Variants in RNF130 observed in about 807,000 individuals in gnomAD.
RNF130 encodes ring finger protein 130, also known as E3 ubiquitin-protein ligase RNF130.
In RNF130, 21 loss-of-function variants were observed where a neutral mutation model predicts 44.6. That is an observed-to-expected ratio of 0.47 (90% CI 0.33 to 0.68). The LOEUF is 0.68. RNF130 is among the 30% of genes least tolerant of loss of function. The pLI, the probability that RNF130 is intolerant of heterozygous loss-of-function variation, is 0.02. For synonymous variants in RNF130, 214 were observed against 210.4 expected, an observed-to-expected ratio of 1.02 and a Z score of -0.15; for missense variants, 479 against 560.6, an observed-to-expected ratio of 0.85 and a Z score of 1.47.
At chr5:180,019,813 G>T (rs1364828139) in intron 2 of RNF130, among the ~76,000 whole-genome samples, 1 of 152,178 alleles carries the variant, frequency 6.6e-6, no homozygotes, top group East Asian at 1.9e-4. Flanking sequence ...TATCCCTTCT[G>T]TCAGAAAAAT....
exon 8 of RNF130, chr5:179,919,089 T>G (rs972458569): frequency 2.0e-5 from 3 of 152,270 alleles, no homozygotes; most frequent in Admixed American, 2.0e-4. Flanking sequence ...ACAAAGCTCA[T>G]GCCAATGAGA....
chr5:180,044,767 G>A (rs961320897), intron 1 of RNF130, among the ~76,000 whole-genome samples: 13 of 152,058 alleles, frequency 8.5e-5, no homozygotes, highest in Non-Finnish European at 1.0e-4. Flanking sequence ...AGGAGGCGGA[G>A]GTTACAGTGA....
At chr5:180,049,889 A>C (rs1415015720) in intron 1 of RNF130, among the ~76,000 whole-genome samples, 2 of 152,052 alleles carry the variant, frequency 1.3e-5, no homozygotes, top group Non-Finnish European at 2.9e-5. Flanking sequence ...CTATATATTC[A>C]AGTTCTATTT....
At chr5:179,946,554 A>AT (rs397701505) in intron 7 of RNF130, among the ~76,000 whole-genome samples, 6,294 of 140,660 alleles carry the variant, frequency 0.045, 332 homozygotes, top group African/African-American at 0.12. Context: ...CCCACCGGGG[A>AT]TTTTTTTTTT....
intron 3 of RNF130, among the ~76,000 whole-genome samples, chr5:180,000,762 G>A (rs1489923034): frequency 6.6e-6 from 1 of 152,026 alleles, no homozygotes; most frequent in African/African-American, 2.4e-5. Context: ...TCAATTTCCT[G>A]TTTATATTGT....
chr5:180,042,196 G>T (rs1764435714), intron 1 of RNF130, among the ~76,000 whole-genome samples: 1 of 152,216 alleles, frequency 6.6e-6, no homozygotes, highest in African/African-American at 2.4e-5. Context: ...AAAGATGCCA[G>T]TAACTTCAGA....
At chr5:180,067,909 A>G (rs1765143847) in intron 1 of RNF130, among the ~76,000 whole-genome samples, 1 of 152,244 alleles carries the variant, frequency 6.6e-6, no homozygotes, top group Non-Finnish European at 1.5e-5. Context: ...CAGATTCATT[A>G]AAGGAACCAT....
At chr5:179,944,458 T>A (rs1232994169) in intron 7 of RNF130, among the ~76,000 whole-genome samples, 5 of 151,998 alleles carry the variant, frequency 3.3e-5, no homozygotes, top group Admixed American at 6.6e-5. Flanking sequence ...ATTTTCTCAA[T>A]TTATTTTTTA....
chr5:179,972,597 GT>G (rs1433549342), intron 5 of RNF130, among the ~76,000 whole-genome samples: 1 of 151,976 alleles, frequency 6.6e-6, no homozygotes, highest in African/African-American at 2.4e-5. Context: ...CCAGATGAGG[GT>G]GGGGGGTGGC....
chr5:179,934,606 G>A (rs1561661789), intron 7 of RNF130, among the ~76,000 whole-genome samples: 1 of 150,228 alleles, frequency 6.7e-6, no homozygotes, highest in Admixed American at 6.6e-5. Context: ...GAGTACAGTG[G>A]CAAGATCATC....
At chr5:179,939,622 T>C (rs999662681) in intron 7 of RNF130, 10 of 453,514 alleles carry the variant, frequency 2.2e-5, no homozygotes, top group African/African-American at 6.3e-5. Context: ...GCCATTCCAC[T>C]ACCACAAATG....
chr5:179,978,112 C>T (rs574524354), intron 5 of RNF130, 91 bp downstream of exon 5: 23 of 1,082,934 alleles, frequency 2.1e-5, no homozygotes, highest in Admixed American at 1.7e-4. Flanking sequence ...AGGTGGGTGG[C>T]GCTCAAAAGC....
intron 5 of RNF130, among the ~76,000 whole-genome samples, chr5:179,975,256 C>T (rs1002069695): frequency 1.3e-5 from 2 of 152,236 alleles, no homozygotes; most frequent in South Asian, 2.1e-4. Flanking sequence ...GGCGCAGCTG[C>T]GAGTGGCATC....
intron 1 of RNF130, among the ~76,000 whole-genome samples, chr5:180,054,997 C>T (rs1364809936): frequency 6.6e-6 from 1 of 151,870 alleles, no homozygotes; most frequent in Non-Finnish European, 1.5e-5. Context: ...TATGGGTGTT[C>T]CTAAATGTAT....
intron 7 of RNF130, among the ~76,000 whole-genome samples, chr5:179,947,361 CACCT>C (rs1367769204): frequency 1.3e-5 from 2 of 152,210 alleles, no homozygotes; most frequent in African/African-American, 2.4e-5. Context: ...TCACCCACCC[CACCT>C]GTGTCCTAAA....
chr5:180,029,175 T>C (rs1363580881), intron 2 of RNF130, among the ~76,000 whole-genome samples: 2 of 152,204 alleles, frequency 1.3e-5, no homozygotes, highest in Non-Finnish European at 2.9e-5. Context: ...AACATTTTTT[T>C]CTTCTATAAC....
Position 180,040,559 on chromosome 5 carries a change from G to A in RNF130, c.336C>T (p.Asn112=), listed in dbSNP as rs1332148651. The change falls in exon 2 of 9, where the codon AAC becomes AAT. Residue 112 remains asparagine, a synonymous_variant. Coordinates refer to ENST00000521389, the MANE Select transcript of RNF130 (RefSeq NM_018434.6). ...GTGATATTTTCTCTTTAAACGTGCA[G>A]TTTCCCCTCTGCAGCAAGGCAATCC... is the stretch of plus-strand genomic sequence containing the variant. The part of the protein sequence containing the change: ...KQWIALLQRG[N]CTFKEKISRA... 1 of 1,614,122 alleles carries A rather than the reference G, an allele frequency of 6.2e-7. No homozygotes were observed. Among genetic ancestry groups the A allele is most frequent in the East Asian group, 2.2e-5 (1 of 44,900 alleles).
chr5:179,920,276 C>T (rs556887232), exon 8 of RNF130: 1 of 672,040 alleles, frequency 1.5e-6, no homozygotes, highest in Non-Finnish European at 2.7e-6. Context: ...GAAATCAAAT[C>T]ACAAAAGCAG....
chr5:179,973,312 G>T (rs1262159022), intron 5 of RNF130, among the ~76,000 whole-genome samples: 1 of 152,144 alleles, frequency 6.6e-6, no homozygotes, highest in African/African-American at 2.4e-5. Flanking sequence ...ACAGGCAGCT[G>T]CCCTGAACAC....
Sources: allele counts gnomAD v4.1 joint callset (sites outside exome capture counted in the v4.1 genomes callset), GRCh38; gene constraint gnomAD v4.1.1; transcripts MANE v1.5; gene names NCBI Gene and HGNC (gene_info 2026-07-23, HGNC 2026-07-21).